The following RAP1GAP variants were observed in gnomAD, a reference collection of about 807,000 sequenced individuals.
RAP1GAP encodes rap1 GTPase-activating protein 1.
A neutral mutation model predicts 87.2 loss-of-function variants in RAP1GAP; 35 were observed. The ratio of observed to expected loss-of-function variants is 0.40; its 90% CI spans 0.31 to 0.53. The LOEUF (loss-of-function observed/expected upper bound fraction) is 0.53. RAP1GAP is among the 20% of genes least tolerant of loss of function. The probability of loss-of-function intolerance (pLI) is 0.48; values close to 1 mark genes in which losing one functional copy is unlikely to be tolerated. For missense variants in RAP1GAP, 734 were observed against 898.9 expected, an observed-to-expected ratio of 0.82 and a Z score of 2.35; for synonymous variants, 375 against 363.9, an observed-to-expected ratio of 1.03 and a Z score of -0.35.
intron 17 of RAP1GAP, 75 bp downstream of exon 17, chr1:21,608,138 T>C (rs886831373): frequency 1.3e-6 from 2 of 1,560,920 alleles, no homozygotes; most frequent in Non-Finnish European, 1.7e-6. Flanking sequence ...TGTCCATCAG[T>C]CTATCAGCCT....
In RAP1GAP at chr1:21,614,233, C is replaced by T. The variant is rs2080441254; in HGVS notation, c.292-144G>A. On this transcript the variant is annotated intron_variant, in intron 7 of 24. Coordinates refer to ENST00000374765, the MANE Select transcript of RAP1GAP (RefSeq NM_002885.4). Reference sequence around the variant, plus strand: ...GGCTGATAGCAGACCCCACATCAGACAGACCTGCACTCAAAGCCCCACTCT... The same window carrying T: ...GGCTGATAGCAGACCCCACATCAGATAGACCTGCACTCAAAGCCCCACTCT... The T allele has an allele frequency of 1.3e-5, 8 of 596,336 alleles. No homozygotes were observed. In the South Asian group the frequency reaches 1.7e-4, roughly 12 times the overall value. The allele number at this position is 596,336 out of a possible 1,614,324, so 36.9% of individuals were successfully genotyped here. A position where few individuals can be genotyped will look rare whatever the true frequency, so the allele number is the denominator to read the frequency against.
intron 1 of RAP1GAP, among the ~76,000 whole-genome samples, chr1:21,654,195 A>G (rs976739129): frequency 2.0e-5 from 3 of 152,176 alleles, no homozygotes; most frequent in African/African-American, 7.2e-5. Context: ...TGACGGCTGA[A>G]TTTAAATGCA....
At chr1:21,629,613 G>A (rs924945243) in intron 2 of RAP1GAP, among the ~76,000 whole-genome samples, 1 of 152,180 alleles carries the variant, frequency 6.6e-6, no homozygotes, top group Non-Finnish European at 1.5e-5. Context: ...CTCCAGGATG[G>A]GGACAGAGAA....
rs975423069 is a variant in RAP1GAP at position 21,668,461 on chromosome 1, G to C, written c.-149+793C>G. The C allele has an allele frequency of 6.6e-6, 1 of 152,546 alleles. No homozygotes were observed. Among genetic ancestry groups the C allele is most frequent in the Non-Finnish European group, 1.5e-5 (1 of 68,310 alleles). 9.4% of individuals were successfully genotyped at this position (152,546 alleles called of 1,614,324 possible). A position where few individuals can be genotyped will look rare whatever the true frequency, so the allele number is the denominator to read the frequency against. On this transcript the variant is annotated intron_variant, in intron 1 of 24. Transcript: ENST00000374765. The surrounding 1 kb of genome is among the most constrained non-coding windows in gnomAD (Gnocchi z 6.2). ...GTGCTATGACCCCAACAAGGACTCCGAGGGCATGCACAGGCTGGGGTCTGT... is the reference window on the plus strand; with the variant it reads ...GTGCTATGACCCCAACAAGGACTCCCAGGGCATGCACAGGCTGGGGTCTGT...
intron 1 of RAP1GAP, among the ~76,000 whole-genome samples, chr1:21,652,437 G>A (rs897665063): frequency 6.6e-6 from 1 of 152,138 alleles, no homozygotes; most frequent in African/African-American, 2.4e-5. Flanking sequence ...TCCGCAGGGG[G>A]ACAGCGTTCT....
chr1:21,625,556 G>C (rs2091621302), intron 3 of RAP1GAP, among the ~76,000 whole-genome samples: 1 of 152,166 alleles, frequency 6.6e-6, no homozygotes, highest in African/African-American at 2.4e-5. Flanking sequence ...ACCTCTCTGA[G>C]CCTCAATTTT....
chr1:21,664,544 G>A (rs917741098), intron 1 of RAP1GAP, among the ~76,000 whole-genome samples: 14 of 152,120 alleles, frequency 9.2e-5, no homozygotes, highest in African/African-American at 2.9e-4. Flanking sequence ...CTCCAGGAGC[G>A]CCTCCACTTC....
Position 21,608,231 on chromosome 1 carries a change from G to A in RAP1GAP, c.1278C>T (p.Gly426=). The change falls in exon 17 of 25, where the codon GGC becomes GGT. Residue 426 remains glycine (G), a synonymous_variant. Coordinates refer to ENST00000374765, the MANE Select transcript of RAP1GAP (RefSeq NM_002885.4). The part of the protein sequence containing the change: ...DKMENGSGGG[G]FFESFKRVIR... ...CCTTCACCTTGAAAGACTCAAAGAA[G>A]CCGCCGCCCCCACTGCCATTCTCCA... 1.2e-6 allele frequency: 2 copies of A among 1,613,516 alleles called. No homozygotes were observed. The highest frequency in any genetic ancestry group is 1.1e-5 in the South Asian group (1 of 91,058).
Position 21,611,557 on chromosome 1 carries a change from G to C in RAP1GAP, c.738C>G (p.Thr246=). ...FKGFRGGLDV[T]HGQTGTESVY... ...CAGATTCGGTCCCCGTCTGCCCGTG[G>C]GTCACGTCCAGGCCTCCTCGGAACC... The change falls in exon 13 of 25, where the codon ACC becomes ACG. Residue 246 remains threonine, a synonymous_variant. Coordinates refer to ENST00000374765, the MANE Select transcript of RAP1GAP (RefSeq NM_002885.4). The C allele has an allele frequency of 1.9e-6, 3 of 1,614,158 alleles. No homozygotes were observed. Among genetic ancestry groups the C allele is most frequent in the Non-Finnish European group, 2.5e-6 (3 of 1,180,030 alleles).
Position 21,599,518 on chromosome 1 carries a change from ACCCTCCGTCTCCTCCACCACG to A in RAP1GAP, c.1731_1751del (p.Val579_Val585del), listed in dbSNP as rs777786896. 6.2e-7 allele frequency: 1 copy of A among 1,609,054 alleles called. No individual in the cohort carries two copies. Among genetic ancestry groups the A allele is most frequent in the African/African-American group, 1.3e-5 (1 of 74,808 alleles). On this transcript the variant is annotated inframe_deletion, in exon 21 of 25. Transcript: ENST00000374765. ...CCAGGCCTGTGTCCTCTCCGTCCAC[ACCCTCCGTCTCCTCCACCACG>A]CTGGCGAAGCTGCTGGCACTGGACG... is the stretch of plus-strand genomic sequence containing the variant.
chr1:21,653,612 T>C (rs12117950), intron 1 of RAP1GAP, among the ~76,000 whole-genome samples: 6 of 123,568 alleles, frequency 4.9e-5, no homozygotes, highest in South Asian at 2.9e-4. Flanking sequence ...CCCTCCCTCC[T>C]TCCTAAGTAG....
intron 1 of RAP1GAP, among the ~76,000 whole-genome samples, chr1:21,662,719 C>T (rs546939821): frequency 3.3e-5 from 5 of 152,118 alleles, no homozygotes; most frequent in African/African-American, 4.8e-5. Flanking sequence ...CCCTCCCCAA[C>T]CCCTTCTCAT....
chr1:21,597,522 C>T (rs1645753725), intron 24 of RAP1GAP, among the ~76,000 whole-genome samples, 164 bp downstream of exon 24: 1 of 152,214 alleles, frequency 6.6e-6, no homozygotes, highest in Non-Finnish European at 1.5e-5. Context: ...GGGGAAGGGC[C>T]GTGGCCTGCC....
intron 2 of RAP1GAP, among the ~76,000 whole-genome samples, chr1:21,647,773 T>C (rs2096206311): frequency 6.6e-6 from 1 of 152,104 alleles, no homozygotes; most frequent in Non-Finnish European, 1.5e-5. Context: ...GAGGAGGCAT[T>C]CTAAAGAGGG....
Position 21,598,510 on chromosome 1 carries a change from G to A in RAP1GAP, c.1777-8C>T, listed in dbSNP as rs766924340. ...TGAGGATGACACGCTCTCCTGGGGA[G>A]GGGGTGGAAAGAGGGAGGGAGGTTA... On this transcript the variant is annotated splice_polypyrimidine_tract_variant and splice_region_variant and intron_variant, in intron 21 of 24. Coordinates refer to ENST00000374765, the MANE Select transcript of RAP1GAP (RefSeq NM_002885.4). The A allele has an allele frequency of 6.2e-7, 1 of 1,606,928 alleles. No homozygotes were observed. Among genetic ancestry groups the A allele is most frequent in the East Asian group, 2.2e-5 (1 of 44,862 alleles).
Position 21,609,885 on chromosome 1 carries a change from C to T in RAP1GAP, c.999+235G>A, listed in dbSNP as rs1034106154. Among the ~76,000 whole-genome samples the T allele has an allele frequency of 7.9e-5, 12 of 151,998 alleles. No individual in the cohort carries two copies. The highest frequency in any genetic ancestry group is 2.9e-5 in the Non-Finnish European group (2 of 68,010). On this transcript the variant is annotated intron_variant, in intron 14 of 24. Transcript: ENST00000374765. This position sits in a 1 kb window ranked among gnomAD's most constrained non-coding sequence, Gnocchi z 4.4. ...GGGATGGTGAAGGCAGAGGAGGCTA[C>T]GGGAGGTGGAGGACAGTGATACCAG... is the stretch of plus-strand genomic sequence containing the variant.
At chr1:21,638,902 C>T (rs771653593) in intron 2 of RAP1GAP, among the ~76,000 whole-genome samples, 1 of 152,224 alleles carries the variant, frequency 6.6e-6, no homozygotes, top group Non-Finnish European at 1.5e-5. Flanking sequence ...TGTCCCTGAG[C>T]CAGGCGTCAC....
chr1:21,635,502 A>G (rs10917026), intron 2 of RAP1GAP, among the ~76,000 whole-genome samples: 34,704 of 152,102 alleles, frequency 0.23, 4,747 homozygotes, highest in African/African-American at 0.37. Context: ...CCAGTCCCAA[A>G]GCAGAGCCCC....
intron 2 of RAP1GAP, among the ~76,000 whole-genome samples, chr1:21,648,592 T>A (rs1361461337): frequency 6.6e-6 from 1 of 152,168 alleles, no homozygotes; most frequent in African/African-American, 2.4e-5. Flanking sequence ...ACCCAGTGCA[T>A]AGCAGGTGCC....
Sources: gnomAD v4.1 joint callset for allele counts (sites outside exome capture counted in the v4.1 genomes callset) on GRCh38, gnomAD v4.1.1 for gene constraint, Gnocchi (gnomAD v3.1) non-coding constraint, MANE v1.5 for transcripts, NCBI Gene and HGNC (gene_info 2026-07-23, HGNC 2026-07-21) for gene names.